METTL15: variants seen among roughly 807,000 people sequenced by gnomAD.
METTL15 encodes the protein 12S rRNA N(4)-cytidine methyltransferase METTL15.
A neutral mutation model predicts 38.3 loss-of-function variants in METTL15; 34 were observed. The observed-to-expected ratio is 0.89, with a 90% CI of 0.68 to 1.18. The LOEUF (loss-of-function observed/expected upper bound fraction) is 1.18, where lower values mean the gene tolerates loss of function less well. Ranked by LOEUF, METTL15 falls within the 50% of genes most tolerant of loss-of-function variation. The pLI, the probability that METTL15 is intolerant of heterozygous loss-of-function variation, is 0.00. For synonymous variants in METTL15, 162 were observed against 170.9 expected, an observed-to-expected ratio of 0.95 and a Z score of 0.41; for missense variants, 438 against 498.4, an observed-to-expected ratio of 0.88 and a Z score of 1.15.
At chr11:28,475,166 A>G (rs756673410) in intron 6 of METTL15, among the ~76,000 whole-genome samples, 6 of 152,162 alleles carry the variant, frequency 3.9e-5, no homozygotes, top group Non-Finnish European at 5.9e-5. Context: ...CACTAGAAAG[A>G]AGCTATGGAA....
chr11:28,434,776 A>G (rs1428523353), intron 6 of METTL15, among the ~76,000 whole-genome samples: 1 of 152,214 alleles, frequency 6.6e-6, no homozygotes, highest in Non-Finnish European at 1.5e-5. Context: ...CATCTTGGGC[A>G]TCTGCAGTCA....
chr11:28,427,944 C>T (rs1003323718), intron 6 of METTL15, among the ~76,000 whole-genome samples: 2 of 152,156 alleles, frequency 1.3e-5, no homozygotes, highest in Non-Finnish European at 2.9e-5. Context: ...CCAGAACTTC[C>T]AATACTACGT....
intron 6 of METTL15, among the ~76,000 whole-genome samples, chr11:28,510,612 A>G (rs1193939274): frequency 2.6e-5 from 4 of 152,190 alleles, no homozygotes; most frequent in African/African-American, 9.7e-5. Flanking sequence ...CACATGAAGT[A>G]TATGTTATTA....
At chr11:28,243,023 C>T (rs1203805878) in intron 4 of METTL15, among the ~76,000 whole-genome samples, 1 of 151,544 alleles carries the variant, frequency 6.6e-6, no homozygotes, top group Non-Finnish European at 1.5e-5. Context: ...TTATAATCTC[C>T]TTAATAATGA....
At chr11:28,286,112 G>C (rs1856254148) in intron 4 of METTL15, among the ~76,000 whole-genome samples, 1 of 152,128 alleles carries the variant, frequency 6.6e-6, no homozygotes, top group Non-Finnish European at 1.5e-5. Context: ...TGATTGTGGG[G>C]TCTGACATAT....
rs1293642887 is a variant in METTL15 at position 28,363,286 on chromosome 11, G to A, written c.*358+1250G>A. On this transcript the variant is annotated intron_variant and NMD_transcript_variant, in intron 5 of 7. Coordinates refer to the METTL15 transcript ENST00000532947. ...CCTCCTGGATTCAAGCGATTATCCG[G>A]CCTCAGCCTCCCGAGTAGCTGGGAT... Among the ~76,000 whole-genome samples, 3 of 152,082 alleles carry A rather than the reference G, an allele frequency of 2.0e-5. No homozygotes were observed. The East Asian group carries it at 5.8e-4, about 29-fold the overall frequency.
At chr11:28,463,457 A>AT (rs1851232253) in intron 6 of METTL15, among the ~76,000 whole-genome samples, 1 of 152,176 alleles carries the variant, frequency 6.6e-6, no homozygotes, top group Non-Finnish European at 1.5e-5. Flanking sequence ...CTTATAGAAG[A>AT]TTAGGAGCAG....
At chr11:28,202,090 T>C (rs184609153) in intron 3 of METTL15, among the ~76,000 whole-genome samples, 82 of 152,220 alleles carry the variant, frequency 5.4e-4, no homozygotes, top group Non-Finnish European at 1.0e-3. Flanking sequence ...TAAAGTTTTA[T>C]GTAAGATAGT....
At chr11:28,309,959 C>A (rs1383581638) in intron 6 of METTL15, among the ~76,000 whole-genome samples, 1 of 152,176 alleles carries the variant, frequency 6.6e-6, no homozygotes, top group African/African-American at 2.4e-5. Flanking sequence ...CTACCCACGT[C>A]TACTTTTTCC....
intron 4 of METTL15, among the ~76,000 whole-genome samples, chr11:28,215,682 C>T (rs1852834199): frequency 6.6e-6 from 1 of 151,996 alleles, no homozygotes; most frequent in Non-Finnish European, 1.5e-5. Flanking sequence ...GAAGGGCATA[C>T]AAGAAGATTT....
chr11:28,505,005 A>G (rs767238300), intron 6 of METTL15, among the ~76,000 whole-genome samples: 1 of 152,148 alleles, frequency 6.6e-6, no homozygotes, highest in Non-Finnish European at 1.5e-5. Context: ...GTTAATTACA[A>G]CTGAACAACT....
At chr11:28,426,724 T>G (rs1272932649) in intron 6 of METTL15, among the ~76,000 whole-genome samples, 1 of 152,068 alleles carries the variant, frequency 6.6e-6, no homozygotes, top group Non-Finnish European at 1.5e-5. Context: ...ATTGGCTGAA[T>G]GTATGTCCTC....
At chr11:28,196,688 G>A (rs1851922416) in intron 3 of METTL15, among the ~76,000 whole-genome samples, 1 of 151,360 alleles carries the variant, frequency 6.6e-6, no homozygotes, top group South Asian at 2.1e-4. Flanking sequence ...TTTTTTTAAA[G>A]GAGAAGACTG....
At chr11:28,195,161 A>G (rs1349232084) in intron 3 of METTL15, among the ~76,000 whole-genome samples, 3 of 152,130 alleles carry the variant, frequency 2.0e-5, no homozygotes, top group African/African-American at 7.2e-5. Context: ...CAATAAACAT[A>G]TGCATGTAGG....
intron 4 of METTL15, among the ~76,000 whole-genome samples, chr11:28,216,545 C>T (rs577066838): frequency 1.2e-3 from 185 of 152,030 alleles, no homozygotes; most frequent in Non-Finnish European, 2.0e-3. Flanking sequence ...ACTATATACA[C>T]AATCTAGTAG....
intron 3 of METTL15, among the ~76,000 whole-genome samples, chr11:28,153,840 T>A (rs1850175378): frequency 6.6e-6 from 1 of 152,100 alleles, no homozygotes; most frequent in South Asian, 2.1e-4. Context: ...GGACAGAGGA[T>A]CTAATCGTTA....
intron 4 of METTL15, chr11:28,287,156 ATGTGTGTGTGTGTGTGTGTG>A (rs150235421): frequency 3.3e-4 from 46 of 140,632 alleles, no homozygotes; most frequent in Middle Eastern, 3.5e-3. Flanking sequence ...GAGAGAGACA[ATGTGTGTGTGTGTGTGTGTG>A]TGTGTGTGTG....
chr11:28,125,114 C>G (rs1158129331), intron 3 of METTL15, among the ~76,000 whole-genome samples: 1 of 151,936 alleles, frequency 6.6e-6, no homozygotes, highest in Admixed American at 6.6e-5. Context: ...AGAATGTTTT[C>G]TTGTTTTTGT....
chr11:28,431,967 T>C (rs573766953), intron 6 of METTL15, among the ~76,000 whole-genome samples: 85 of 152,268 alleles, frequency 5.6e-4, no homozygotes, highest in African/African-American at 2.0e-3. Context: ...CATAGGATTC[T>C]CAACTCTCTC....
Sources: gnomAD v4.1 joint callset for allele counts (sites outside exome capture counted in the v4.1 genomes callset) on GRCh38, gnomAD v4.1.1 for gene constraint, MANE v1.5 for transcripts, NCBI Gene and HGNC (gene_info 2026-07-23, HGNC 2026-07-21) for gene names.